Variants in TRDN observed in about 807,000 individuals in gnomAD.
TRDN encodes the protein triadin in skeletal muscle.
In TRDN, 161 loss-of-function variants were observed where a neutral mutation model predicts 149.7. The ratio of observed to expected loss-of-function variants is 1.08; its 90% CI spans 0.95 to 1.23. The LOEUF is 1.23. TRDN is among the 50% of genes most tolerant of loss of function. TRDN has a pLI of 0.00. For missense variants in TRDN, 896 were observed against 823.5 expected (o/e 1.09, Z -1.08); for synonymous variants, 294 against 250.5 (o/e 1.17, Z -1.64).
At chr6:123,422,284 A>G (rs1417495191) in intron 12 of TRDN, among the ~76,000 whole-genome samples, 1 of 152,318 alleles carries the variant, frequency 6.6e-6, no homozygotes, top group East Asian at 1.9e-4. Context: ...AGTTTGGCCA[A>G]TCAGAAAATT....
chr6:123,363,775 C>T (rs770218742), intron 20 of TRDN, among the ~76,000 whole-genome samples: 3 of 152,150 alleles, frequency 2.0e-5, no homozygotes, highest in Non-Finnish European at 4.4e-5. Flanking sequence ...TCCAATTTGT[C>T]CTGATTCAAC....
chr6:123,425,232 G>GGTGT lies in TRDN; in HGVS notation c.1051+12827_1051+12830dup, dbSNP rs60065532. Reference sequence around the variant, plus strand: ...GCATAGAGCCACATTCAGAGGTAGAGGTGTGTGTGTGTGTGTGTGTGTGTG... The same window carrying GGTGT: ...GCATAGAGCCACATTCAGAGGTAGAGGTGTGTGTGTGTGTGTGTGTGTGTGTGTG... On this transcript the variant is annotated intron_variant, in intron 12 of 40. Coordinates refer to ENST00000334268, the MANE Select transcript of TRDN (RefSeq NM_006073.4). Among the ~76,000 whole-genome samples, 1,182 of 138,766 alleles carry GGTGT rather than the reference G, an allele frequency of 8.5e-3. 11 individuals carry two copies. Among genetic ancestry groups the GGTGT allele is most frequent in the African/African-American group, 0.024 (878 of 37,232 alleles). The allele number at this position is 138,766 out of a possible 152,430, so 91.0% of individuals were successfully genotyped here.
chr6:123,379,781 T>A (rs1781645189), intron 16 of TRDN, among the ~76,000 whole-genome samples: 1 of 152,192 alleles, frequency 6.6e-6, no homozygotes, highest in Non-Finnish European at 1.5e-5. Flanking sequence ...TATGGTTGAT[T>A]TTTGAGGTCT....
At position 123,218,558 on chromosome 6, in the gene TRDN, T is replaced by C. The variant is rs1775024677; in HGVS notation, c.*43A>G. On this transcript the variant is annotated 3_prime_UTR_variant, in exon 41 of 41. Coordinates refer to ENST00000334268, the MANE Select transcript of TRDN (RefSeq NM_006073.4). ...GAACTACTGTGGACAAAACATCACA[T>C]TTTTAAAATCTTAAAGCACTTGTAA... is the stretch of plus-strand genomic sequence containing the variant. 2 of 1,573,288 alleles carry C rather than the reference T, an allele frequency of 1.3e-6. No individual in the cohort carries two copies. The highest frequency in any genetic ancestry group is 2.3e-5 in the South Asian group (2 of 85,644).
In TRDN at chr6:123,453,590, T is replaced by TAA. The variant is rs71021448; in HGVS notation, c.931+11314_931+11315dup. Among the ~76,000 whole-genome samples, 174 of 151,738 alleles carry TAA rather than the reference T, an allele frequency of 1.1e-3. 3 individuals carry two copies. Among genetic ancestry groups the TAA allele is most frequent in the African/African-American group, 3.9e-3 (163 of 41,352 alleles). ...CTTACTCCTGCAAGAATGGCCATAA[T>TAA]AAAAAAAATAAAAAAACAGTAGTGG... On this transcript the variant is annotated intron_variant, in intron 10 of 40. Coordinates refer to ENST00000334268, the MANE Select transcript of TRDN (RefSeq NM_006073.4).
intron 39 of TRDN, among the ~76,000 whole-genome samples, 182 bp from the exon 40 acceptor site, chr6:123,221,704 G>A (rs763535231): frequency 2.6e-5 from 4 of 151,522 alleles, no homozygotes; most frequent in Non-Finnish European, 4.4e-5. Context: ...AAATTTAATA[G>A]GCAAGAGCCA....
At chr6:123,481,223 C>G (rs1021465707) in intron 9 of TRDN, among the ~76,000 whole-genome samples, 5 of 152,146 alleles carry the variant, frequency 3.3e-5, no homozygotes, top group East Asian at 1.9e-4. Flanking sequence ...ACAGACAACT[C>G]TGCTTGTGGT....
Position 123,353,192 on chromosome 6 carries a change from G to A in TRDN, c.1322-606C>T, listed in dbSNP as rs539757454. On this transcript the variant is annotated intron_variant, in intron 20 of 40. Transcript: ENST00000334268. ...TACAAATGATTCATTTGGAATCAGT[G>A]CACTCCATTGAAAGAATTGATTCAA... 1.5e-4 allele frequency among the ~76,000 whole-genome samples: 23 copies of A among 151,916 alleles called. 1 individual carries two copies. In the East Asian group the frequency reaches 4.2e-3, roughly 28 times the overall value.
chr6:123,349,907 C>G, intron 21 of TRDN: 1 of 985,012 alleles, frequency 1.0e-6, no homozygotes, highest in Admixed American at 6.2e-5. Flanking sequence ...GTTGTGACAA[C>G]GTAAAACACT....
chr6:123,435,598 G>A (rs985698240), intron 12 of TRDN, among the ~76,000 whole-genome samples: 8 of 145,874 alleles, frequency 5.5e-5, no homozygotes, highest in African/African-American at 1.9e-4. Context: ...TTGAGGGATT[G>A]TAAACAAATA....
intron 21 of TRDN, among the ~76,000 whole-genome samples, chr6:123,346,478 G>A: frequency 6.6e-6 from 1 of 151,920 alleles, no homozygotes; most frequent in South Asian, 2.1e-4. Context: ...TCTTTGTGAT[G>A]GATATGTACA....
intron 10 of TRDN, among the ~76,000 whole-genome samples, chr6:123,449,907 C>G (rs1245695282): frequency 6.6e-6 from 1 of 152,182 alleles, no homozygotes; most frequent in Non-Finnish European, 1.5e-5. Context: ...GATTGGGGCC[C>G]TATCTTCAGC....
intron 1 of TRDN, among the ~76,000 whole-genome samples, chr6:123,630,824 A>C (rs1295918785): frequency 6.6e-6 from 1 of 152,030 alleles, no homozygotes; most frequent in Non-Finnish European, 1.5e-5. Flanking sequence ...TAAAAAACAT[A>C]AACTTAATTT....
At chr6:123,406,590 T>C (rs1344386685) in intron 12 of TRDN, among the ~76,000 whole-genome samples, 1 of 151,968 alleles carries the variant, frequency 6.6e-6, no homozygotes, top group East Asian at 1.9e-4. Context: ...CATATGCATG[T>C]ATATAAAATG....
intron 9 of TRDN, among the ~76,000 whole-genome samples, chr6:123,476,739 C>T (rs1215303351): frequency 6.8e-6 from 1 of 147,800 alleles, no homozygotes; most frequent in Middle Eastern, 3.4e-3. Flanking sequence ...AGAACAGAGC[C>T]CTCAGAAATA....
chr6:123,223,729 C>A (rs2114504415), intron 39 of TRDN, among the ~76,000 whole-genome samples: 1 of 147,016 alleles, frequency 6.8e-6, no homozygotes, highest in East Asian at 2.0e-4. Flanking sequence ...TCCTTCCTTC[C>A]TTCCTGATGG....
chr6:123,629,801 G>C (rs920377438), intron 1 of TRDN, among the ~76,000 whole-genome samples: 4 of 152,056 alleles, frequency 2.6e-5, no homozygotes, highest in South Asian at 2.1e-4. Context: ...TTGATGTTTA[G>C]AGAGCATTAA....
At chr6:123,304,497 C>T (rs1778539677) in intron 24 of TRDN, among the ~76,000 whole-genome samples, 1 of 152,014 alleles carries the variant, frequency 6.6e-6, no homozygotes, top group African/African-American at 2.4e-5. Flanking sequence ...CATGATCCGC[C>T]AGCCTCGGCC....
At chr6:123,516,887 C>T (rs933414129) in intron 5 of TRDN, among the ~76,000 whole-genome samples, 6 of 152,104 alleles carry the variant, frequency 3.9e-5, no homozygotes, top group Non-Finnish European at 7.4e-5. Flanking sequence ...TTTTCCTTTT[C>T]ATTCATTCAC....
Sources: gnomAD v4.1 joint callset for allele counts (sites outside exome capture counted in the v4.1 genomes callset) on GRCh38, gnomAD v4.1.1 for gene constraint, MANE v1.5 for transcripts, NCBI Gene and HGNC (gene_info 2026-07-23, HGNC 2026-07-21) for gene names.